PHLDB2: variants seen among roughly 807,000 people sequenced by gnomAD.
The protein encoded by PHLDB2 is pleckstrin homology-like domain family B member 2.
In PHLDB2, 71 loss-of-function variants were observed where a neutral mutation model predicts 123.6. The ratio of observed to expected loss-of-function variants is 0.57; its 90% CI spans 0.47 to 0.70. The LOEUF is 0.70. Among genes scored for constraint, PHLDB2 ranks in the 30% least tolerant of loss-of-function variants. The pLI is 0.00. For missense variants in PHLDB2, 1,446 were observed against 1,519.5 expected (o/e 0.95, Z 0.80); for synonymous variants, 547 against 541.6 (o/e 1.01, Z -0.14).
intron 1 of PHLDB2, among the ~76,000 whole-genome samples, chr3:111,804,507 C>T (rs1036391154): frequency 6.6e-6 from 1 of 152,188 alleles, no homozygotes; most frequent in Non-Finnish European, 1.5e-5. Flanking sequence ...ATGCTAGGCC[C>T]CAACCTACTG....
intron 12 of PHLDB2, among the ~76,000 whole-genome samples, chr3:111,956,757 G>C (rs996638556): frequency 6.6e-6 from 1 of 152,124 alleles, no homozygotes; most frequent in Non-Finnish European, 1.5e-5. Context: ...TGTAAAACTG[G>C]CAGGATTTTC....
chr3:111,913,803 G>A (rs2107506044), intron 3 of PHLDB2, 101 bp downstream of exon 3: 1 of 1,388,458 alleles, frequency 7.2e-7, no homozygotes, highest in Admixed American at 2.3e-5. Flanking sequence ...TATCCAGGAT[G>A]TTTTCAGTGA....
At position 111,756,888 on chromosome 3, in the gene PHLDB2, T is replaced by A. The variant is rs1180223545; in HGVS notation, c.-49+24185T>A. Among the ~76,000 whole-genome samples the A allele has an allele frequency of 7.9e-5, 12 of 152,178 alleles. No homozygotes were observed. The South Asian group carries it at 1.7e-3, about 21-fold the overall frequency. On this transcript the variant is annotated intron_variant, in intron 1 of 17. Coordinates refer to the PHLDB2 transcript ENST00000393923. The stretch of plus-strand genomic sequence containing the variant: ...GCATTTGCTTGTCTGTAAAGTATTT[T>A]ATTTCTCCTTCACTTATGAAGCTTA...
chr3:111,900,573 G>C (rs2067138595), intron 2 of PHLDB2, among the ~76,000 whole-genome samples: 1 of 152,076 alleles, frequency 6.6e-6, no homozygotes, highest in Non-Finnish European at 1.5e-5. Flanking sequence ...GTCTTATATG[G>C]GCATGGTTTG....
chr3:111,741,541 CTGTGTG>C (rs933150583), intron 1 of PHLDB2, among the ~76,000 whole-genome samples: 3 of 151,118 alleles, frequency 2.0e-5, no homozygotes, highest in Non-Finnish European at 4.4e-5. Context: ...GTGCATGTCT[CTGTGTG>C]TGTGTGTGTC....
chr3:111,735,779 G>T (rs1275893036), intron 1 of PHLDB2, among the ~76,000 whole-genome samples: 1 of 151,974 alleles, frequency 6.6e-6, no homozygotes, highest in Non-Finnish European at 1.5e-5. Context: ...ATGAACTGCT[G>T]CCTTCTTATC....
At chr3:111,756,571 C>T (rs1365086806) in intron 1 of PHLDB2, among the ~76,000 whole-genome samples, 1 of 152,178 alleles carries the variant, frequency 6.6e-6, no homozygotes, top group Non-Finnish European at 1.5e-5. Flanking sequence ...TTACTGCATA[C>T]AGCACACTGA....
chr3:111,803,908 G>C (rs539015110), intron 1 of PHLDB2, among the ~76,000 whole-genome samples: 1 of 152,144 alleles, frequency 6.6e-6, no homozygotes, highest in African/African-American at 2.4e-5. Flanking sequence ...TCTTGAGAGT[G>C]GGGGGCATTC....
intron 2 of PHLDB2, among the ~76,000 whole-genome samples, chr3:111,902,064 A>G (rs190658403): frequency 8.0e-4 from 122 of 152,310 alleles, no homozygotes; most frequent in Non-Finnish European, 1.4e-3. Flanking sequence ...AAAACATTTC[A>G]TAACCCACCC....
intron 1 of PHLDB2, among the ~76,000 whole-genome samples, chr3:111,822,400 G>C (rs1020751266): frequency 6.6e-6 from 1 of 151,370 alleles, no homozygotes; most frequent in Non-Finnish European, 1.5e-5. Context: ...AAAATGAAAG[G>C]CAGGTGTAGA....
Position 111,775,985 on chromosome 3 carries a change from T to C in PHLDB2, c.-49+43282T>C, listed in dbSNP as rs189502028. ...AAAGCTTTGGAACGTATTTAGCTCTTTTTCAGAGATATTGACCTCCTCACA... is the reference window on the plus strand; with the variant it reads ...AAAGCTTTGGAACGTATTTAGCTCTCTTTCAGAGATATTGACCTCCTCACA... On this transcript the variant is annotated intron_variant, in intron 1 of 17. Transcript: ENST00000393923. Among the ~76,000 whole-genome samples the C allele has an allele frequency of 1.5e-3, 231 of 152,274 alleles. 2 individuals carry two copies. Among genetic ancestry groups the C allele is most frequent in the Non-Finnish European group, 4.9e-4 (33 of 68,024 alleles).
chr3:111,827,622 C>A (rs1382016882), intron 1 of PHLDB2, among the ~76,000 whole-genome samples: 1 of 144,714 alleles, frequency 6.9e-6, no homozygotes, highest in Non-Finnish European at 1.5e-5. Context: ...TGCAGTGAGC[C>A]GAGATTGGAG....
chr3:111,915,716 C>A (rs1287529954), intron 3 of PHLDB2: 1 of 152,594 alleles, frequency 6.6e-6, no homozygotes, highest in East Asian at 1.9e-4. Context: ...AAGGGTGCGC[C>A]ACTGAGCCCT....
intron 1 of PHLDB2, among the ~76,000 whole-genome samples, chr3:111,756,161 C>G (rs1264004032): frequency 6.6e-6 from 1 of 151,862 alleles, no homozygotes; most frequent in Non-Finnish European, 1.5e-5. Context: ...CAGTAGATGT[C>G]TATTAGGTCC....
intron 1 of PHLDB2, among the ~76,000 whole-genome samples, chr3:111,814,242 T>C (rs1020468216): frequency 1.3e-5 from 2 of 152,076 alleles, no homozygotes; most frequent in Non-Finnish European, 2.9e-5. Context: ...ACCCTTGATC[T>C]GGGTGGGCAC....
chr3:111,753,181 G>C (rs1425329839), intron 1 of PHLDB2, among the ~76,000 whole-genome samples: 19 of 149,538 alleles, frequency 1.3e-4, no homozygotes, highest in African/African-American at 2.5e-4. Context: ...GGATGGCTGG[G>C]TCAAATGGTA....
intron 6 of PHLDB2, among the ~76,000 whole-genome samples, chr3:111,937,595 GCAAAACCCCATTCTA>G (rs2069578273): frequency 6.6e-6 from 1 of 151,936 alleles, no homozygotes; most frequent in Admixed American, 6.6e-5. Context: ...GGGCAATATG[GCAAAACCCCATTCTA>G]CAAAAAAGTA....
intron 2 of PHLDB2, among the ~76,000 whole-genome samples, chr3:111,852,204 G>C (rs1448276908): frequency 1.3e-5 from 2 of 151,452 alleles, no homozygotes; most frequent in Admixed American, 6.6e-5. Flanking sequence ...GCTGAAGTCT[G>C]TGTATATCTG....
intron 10 of PHLDB2, chr3:111,949,937 C>T (rs1026843346): frequency 7.7e-5 from 74 of 959,236 alleles, no homozygotes; most frequent in Non-Finnish European, 9.1e-5. Flanking sequence ...ATTTTGACAA[C>T]GAAATTACTT....
Sources: gnomAD v4.1 joint callset for allele counts (sites outside exome capture counted in the v4.1 genomes callset) on GRCh38, gnomAD v4.1.1 for gene constraint, MANE v1.5 for transcripts, NCBI Gene and HGNC (gene_info 2026-07-23, HGNC 2026-07-21) for gene names.